Variants in MAP3K7CL observed in about 807,000 individuals in gnomAD.
The protein encoded by MAP3K7CL is MAP3K7 C-terminal like.
In MAP3K7CL, 16 loss-of-function variants were observed where a neutral mutation model predicts 18.6. The observed-to-expected ratio is 0.86, with a 90% CI of 0.58 to 1.31. MAP3K7CL has a LOEUF of 1.31. Ranked by LOEUF, MAP3K7CL falls within the 50% of genes most tolerant of loss-of-function variation. The probability of loss-of-function intolerance (pLI) is 0.00; values close to 1 mark genes in which losing one functional copy is unlikely to be tolerated. For synonymous variants in MAP3K7CL, 65 were observed against 66.8 expected, an observed-to-expected ratio of 0.97 and a Z score of 0.13; for missense variants, 163 against 174.4, an observed-to-expected ratio of 0.93 and a Z score of 0.37.
At chr21:29,149,029 C>T (rs781554645) in intron 2 of MAP3K7CL, among the ~76,000 whole-genome samples, 160 bp from the exon 3 acceptor site, 10 of 152,114 alleles carry the variant, frequency 6.6e-5, no homozygotes, top group African/African-American at 2.2e-4. Flanking sequence ...TCTGTGTGTA[C>T]AGAAAATGAG....
chr21:29,159,637 T>A (rs2087493013), intron 3 of MAP3K7CL, among the ~76,000 whole-genome samples: 1 of 152,160 alleles, frequency 6.6e-6, no homozygotes, highest in Non-Finnish European at 1.5e-5. Context: ...CTTTGGAGAC[T>A]TATTTTTACT....
At chr21:29,092,294 C>A in intron 3 of MAP3K7CL, 1 of 594,758 alleles carries the variant, frequency 1.7e-6, no homozygotes, top group Non-Finnish European at 2.5e-6. Context: ...GAAACCTTTC[C>A]AGATTTAAAC....
intron 4 of MAP3K7CL, among the ~76,000 whole-genome samples, chr21:29,095,124 G>A (rs1340891723): frequency 7.2e-6 from 1 of 138,178 alleles, no homozygotes; most frequent in African/African-American, 2.9e-5. Context: ...GGGAAGGGAA[G>A]GTTAGGCTCA....
chr21:29,131,010 A>G (rs1213447837), intron 1 of MAP3K7CL, 87 bp downstream of exon 1: 5 of 845,072 alleles, frequency 5.9e-6, no homozygotes, highest in Non-Finnish European at 7.1e-6. Context: ...AGCCAAGAGA[A>G]GGAACCTGTG....
chr21:29,161,294 A>G (rs1424080387), intron 4 of MAP3K7CL, among the ~76,000 whole-genome samples: 1 of 152,178 alleles, frequency 6.6e-6, no homozygotes, highest in Non-Finnish European at 1.5e-5. Context: ...CCTGGGCAAC[A>G]GAGTGAGACT....
At chr21:29,141,291 G>A (rs929393173) in intron 2 of MAP3K7CL, among the ~76,000 whole-genome samples, 12 of 152,240 alleles carry the variant, frequency 7.9e-5, no homozygotes, top group Non-Finnish European at 1.6e-4. Context: ...AGAGGTGGGG[G>A]ATCATGAGGT....
intron 4 of MAP3K7CL, among the ~76,000 whole-genome samples, chr21:29,115,890 A>G (rs373015549): frequency 3.3e-5 from 5 of 152,394 alleles, no homozygotes; most frequent in African/African-American, 1.2e-4. Flanking sequence ...TATGCAGTCT[A>G]TGTAAACATT....
intron 1 of MAP3K7CL, among the ~76,000 whole-genome samples, chr21:29,087,048 T>G (rs530521696): frequency 1.3e-5 from 2 of 152,318 alleles, no homozygotes; most frequent in East Asian, 1.9e-4. Context: ...CTGCGTCTTT[T>G]CCACTTGCTC....
At chr21:29,140,901 C>T (rs2146656197) in intron 2 of MAP3K7CL, among the ~76,000 whole-genome samples, 1 of 152,210 alleles carries the variant, frequency 6.6e-6, no homozygotes, top group Non-Finnish European at 1.5e-5. Context: ...CCTCAGCCTC[C>T]CAAGTAGCTA....
chr21:29,136,522 TTTTTA>T (rs1332574899), intron 2 of MAP3K7CL, among the ~76,000 whole-genome samples: 3 of 137,890 alleles, frequency 2.2e-5, no homozygotes, highest in Admixed American at 7.1e-5. Flanking sequence ...TTTCTTTTCT[TTTTTA>T]TTTTATTTTT....
At chr21:29,132,636 A>C (rs199948976) in intron 1 of MAP3K7CL, among the ~76,000 whole-genome samples, 1 of 152,018 alleles carries the variant, frequency 6.6e-6, no homozygotes, top group East Asian at 1.9e-4. Flanking sequence ...CAGCTTCCCA[A>C]GTAGCTGGGA....
chr21:29,165,242 T>G (rs1172711681), intron 4 of MAP3K7CL, among the ~76,000 whole-genome samples: 1 of 152,178 alleles, frequency 6.6e-6, no homozygotes, highest in Non-Finnish European at 1.5e-5. Context: ...ATTGGGTACT[T>G]TGGTGTTTAG....
At chr21:29,104,219 C>T (rs1222877426) in intron 4 of MAP3K7CL, among the ~76,000 whole-genome samples, 1 of 152,132 alleles carries the variant, frequency 6.6e-6, no homozygotes, top group Non-Finnish European at 1.5e-5. Context: ...AGCATCAGCA[C>T]CAGCACAGAC....
chr21:29,135,342 G>A (rs2086863023), intron 2 of MAP3K7CL, among the ~76,000 whole-genome samples: 2 of 152,062 alleles, frequency 1.3e-5, no homozygotes, highest in African/African-American at 4.8e-5. Context: ...CAAGACACAC[G>A]CGTGCAAACC....
Position 29,130,702 on chromosome 21 carries a change from G to A in MAP3K7CL, c.-261G>A, listed in dbSNP as rs561272674. On this transcript the variant is annotated 5_prime_UTR_variant, in exon 1 of 5. Transcript: ENST00000399928. ...GGAGAGAGGGGTTGTGAAGGGAAGC[G>A]GAAGGGAAGGGAAGGGAGGTCCCGT... 1.8e-4 allele frequency: 178 copies of A among 985,008 alleles called. No individual in the cohort carries two copies. Among genetic ancestry groups the A allele is most frequent in the African/African-American group, 3.1e-4 (18 of 57,354 alleles). The allele number at this position is 985,008 out of a possible 1,614,324, so 61.0% of individuals were successfully genotyped here. A position where few individuals can be genotyped will look rare whatever the true frequency, so the allele number is the denominator to read the frequency against.
intron 2 of MAP3K7CL, among the ~76,000 whole-genome samples, chr21:29,148,367 T>C (rs543887870): frequency 3.4e-4 from 52 of 152,094 alleles, no homozygotes; most frequent in Non-Finnish European, 6.5e-4. Context: ...TACCTGGAGA[T>C]AATGGAAGTT....
chr21:29,092,656 G>C, intron 4 of MAP3K7CL: 2 of 1,563,824 alleles, frequency 1.3e-6, no homozygotes, highest in Non-Finnish European at 1.8e-6. Flanking sequence ...GGAGCCTAAG[G>C]CTGGTTGGGC....
intron 4 of MAP3K7CL, among the ~76,000 whole-genome samples, chr21:29,163,691 T>TC (rs1279257228): frequency 4.0e-4 from 57 of 141,998 alleles, no homozygotes; most frequent in African/African-American, 1.4e-3. Flanking sequence ...GCCCCTTTCT[T>TC]CCTTTTTTTT....
At chr21:29,122,369 T>A (rs962316294) in intron 4 of MAP3K7CL, among the ~76,000 whole-genome samples, 1 of 152,222 alleles carries the variant, frequency 6.6e-6, no homozygotes, top group African/African-American at 2.4e-5. Flanking sequence ...TGTTCACGGA[T>A]GGCTTAAGTG....
Sources: allele counts gnomAD v4.1 joint callset (sites outside exome capture counted in the v4.1 genomes callset), GRCh38; gene constraint gnomAD v4.1.1; transcripts MANE v1.5; gene names NCBI Gene and HGNC (gene_info 2026-07-23, HGNC 2026-07-21).